Variants in RABL6 observed in about 807,000 individuals in gnomAD.
RABL6 encodes the protein rab-like protein 6.
RABL6 carries 28 observed loss-of-function variants against 72.9 expected under a neutral mutation model. The ratio of observed to expected loss-of-function variants is 0.38; its 90% CI spans 0.28 to 0.53. The LOEUF (loss-of-function observed/expected upper bound fraction) is 0.53, where lower values mean the gene tolerates loss of function less well. RABL6 is among the 20% of genes least tolerant of loss of function. The pLI is 0.80. For missense variants in RABL6, 1,029 were observed against 1,008.4 expected, an observed-to-expected ratio of 1.02 and a Z score of -0.28; for synonymous variants, 477 against 421.2, an observed-to-expected ratio of 1.13 and a Z score of -1.62.
chr9:136,837,934 A>C lies in RABL6; in HGVS notation c.1199A>C (p.Asp400Ala). The C allele has an allele frequency of 6.4e-7, 1 of 1,558,986 alleles. No individual in the cohort carries two copies. The highest frequency in any genetic ancestry group is 8.7e-7 in the Non-Finnish European group (1 of 1,152,238). ...VEDFVPDDRL[D>A]RSFLEDTTPA... ...GACTTTGTTCCTGACGACCGCCTGG[A>C]CCGCAGCTTCCTGGAAGACACAACC... Residue 400 changes from aspartate to alanine, a missense_variant, in exon 10 of 15, where the codon GAC becomes GCC. By Grantham distance (126) the Asp-to-Ala change is moderately radical. Transcript: ENST00000311502.
chr9:136,813,675 C>T, intron 1 of RABL6: 1 of 212,506 alleles, frequency 4.7e-6, no homozygotes, highest in Non-Finnish European at 9.4e-6. Context: ...AGTGCAGTGG[C>T]CGTGATCTCA....
chr9:136,828,961 G>T (rs913245552), intron 4 of RABL6, among the ~76,000 whole-genome samples: 1 of 152,234 alleles, frequency 6.6e-6, no homozygotes, highest in African/African-American at 2.4e-5. Context: ...TCTCCGTGCG[G>T]TGCCTCCCAC....
chr9:136,836,983 C>T (rs1326827201), intron 8 of RABL6: 1 of 390,810 alleles, frequency 2.6e-6, no homozygotes, highest in African/African-American at 2.1e-5. Context: ...ACGCCATTCT[C>T]CTGCCTCAGC....
intron 1 of RABL6, among the ~76,000 whole-genome samples, chr9:136,818,280 G>A (rs1215388610): frequency 2.8e-5 from 4 of 145,372 alleles, no homozygotes; most frequent in South Asian, 2.2e-4. Context: ...GGAGAATGGC[G>A]TGAACCCAGG....
chr9:136,833,356 C>G, intron 7 of RABL6: 1 of 365,552 alleles, frequency 2.7e-6, no homozygotes, highest in Non-Finnish European at 5.2e-6. Flanking sequence ...GCTGCCCCGC[C>G]TGGGTCTGGG....
At chr9:136,821,442 C>T (rs1848234684) in intron 1 of RABL6, 2 of 985,302 alleles carry the variant, frequency 2.0e-6, no homozygotes, top group Non-Finnish European at 2.4e-6. Context: ...CCGCTCAGGC[C>T]GTGGACCTCG....
chr9:136,840,940 A>C lies in RABL6; in HGVS notation c.*418A>C. 3 of 1,465,728 alleles carry C rather than the reference A, an allele frequency of 2.0e-6. No individual in the cohort carries two copies. The African/African-American group carries it at 4.3e-5, about 21-fold the overall frequency. 90.8% of individuals were successfully genotyped at this position (1,465,728 alleles called of 1,614,324 possible). On this transcript the variant is annotated 3_prime_UTR_variant, in exon 15 of 15. Coordinates refer to ENST00000311502, the MANE Select transcript of RABL6 (RefSeq NM_024718.5). ...GCTCATCTGGGGCCGCAGCATGCCTATGGTTCCGCTTCCGGCCGGGAGCCC... is the reference window on the plus strand; with the variant it reads ...GCTCATCTGGGGCCGCAGCATGCCTCTGGTTCCGCTTCCGGCCGGGAGCCC...
At chr9:136,823,427 G>C in intron 1 of RABL6, 98 bp from the exon 2 acceptor site, 1 of 1,468,872 alleles carries the variant, frequency 6.8e-7, no homozygotes, top group Non-Finnish European at 9.2e-7. Context: ...GATGAAACAG[G>C]TGGCAGCAGA....
intron 1 of RABL6, among the ~76,000 whole-genome samples, chr9:136,819,322 A>G (rs1350078860): frequency 1.4e-5 from 2 of 143,236 alleles, no homozygotes; most frequent in African/African-American, 5.6e-5. Flanking sequence ...ACTCCGTCTC[A>G]AGAAAAAAAA....
At chr9:136,809,931 T>TG (rs1392169219) in intron 1 of RABL6, 2 of 153,384 alleles carry the variant, frequency 1.3e-5, no homozygotes, top group African/African-American at 2.4e-5. Context: ...AGTGGAAGCC[T>TG]GGGGGCTCGC....
intron 7 of RABL6, chr9:136,833,873 C>T: frequency 6.4e-7 from 1 of 1,550,518 alleles, no homozygotes; most frequent in Non-Finnish European, 8.7e-7. Context: ...GCTGGGGAGG[C>T]CCCTCCTTCC....
chr9:136,836,515 C>T (rs973274271), intron 8 of RABL6: 1 of 152,924 alleles, frequency 6.5e-6, no homozygotes, highest in African/African-American at 2.4e-5. Flanking sequence ...GGCTCAGACA[C>T]AGCAAGAGAC....
chr9:136,810,039 T>C (rs1847974251), intron 1 of RABL6: 1 of 152,250 alleles, frequency 6.6e-6, no homozygotes, highest in Non-Finnish European at 1.5e-5. Flanking sequence ...TGATTTTAAA[T>C]GTGTTATAAT....
At position 136,840,726 on chromosome 9, in the gene RABL6, G is replaced by A; in HGVS notation, c.*204G>A. 6.5e-7 allele frequency: 1 copy of A among 1,548,574 alleles called. No individual in the cohort carries two copies. Among genetic ancestry groups the A allele is most frequent in the Middle Eastern group, 2.2e-4 (1 of 4,620 alleles). On this transcript the variant is annotated 3_prime_UTR_variant, in exon 15 of 15. Transcript: ENST00000311502. ...GGCCCAGTGTGAGCCTGCTCTGCAA[G>A]AAGGGAGGGGACAGCTGGCTTCAGC...
At chr9:136,822,492 G>A (rs999555802) in intron 1 of RABL6, among the ~76,000 whole-genome samples, 2 of 152,152 alleles carry the variant, frequency 1.3e-5, no homozygotes, top group Non-Finnish European at 2.9e-5. Flanking sequence ...TGGCTGCTGC[G>A]TCCGCACAGC....
At position 136,835,865 on chromosome 9, in the gene RABL6, C is replaced by A; in HGVS notation, c.809+20C>A. ...CGGCATGTATGTGGCCGGACCCGCC[C>A]GTGCGGGCGGTGTGGGGGCTGCGGG... On this transcript the variant is annotated intron_variant, in intron 8 of 14. Coordinates refer to ENST00000311502, the MANE Select transcript of RABL6 (RefSeq NM_024718.5). The A allele has an allele frequency of 6.5e-7, 1 of 1,547,826 alleles. No individual in the cohort carries two copies. The highest frequency in any genetic ancestry group is 8.7e-7 in the Non-Finnish European group (1 of 1,146,074).
chr9:136,825,199 C>T (rs1301429544), intron 2 of RABL6, among the ~76,000 whole-genome samples: 2 of 152,244 alleles, frequency 1.3e-5, no homozygotes, highest in Non-Finnish European at 2.9e-5. Context: ...CCGGCCTCCG[C>T]CCTCAGTGAT....
In RABL6 at chr9:136,808,106, G is replaced by C. The variant is rs1847906067; in HGVS notation, c.-91G>C. The C allele has an allele frequency of 3.1e-6, 4 of 1,290,090 alleles. No individual in the cohort carries two copies. The African/African-American group carries it at 4.7e-5, about 15-fold the overall frequency. The allele number at this position is 1,290,090 out of a possible 1,614,324, so 79.9% of individuals were successfully genotyped here. A position where few individuals can be genotyped will look rare whatever the true frequency, so the allele number is the denominator to read the frequency against. ...GCCGGCTCCGGCCTCCGGGGGGGCC[G>C]GGGCCGCCGGGACATGGTGCCAGTC... On this transcript the variant is annotated 5_prime_UTR_variant, in exon 1 of 15. Coordinates refer to ENST00000311502, the MANE Select transcript of RABL6 (RefSeq NM_024718.5).
chr9:136,823,976 C>T (rs1172324096), intron 2 of RABL6, among the ~76,000 whole-genome samples: 3 of 152,296 alleles, frequency 2.0e-5, no homozygotes, highest in South Asian at 2.1e-4. Flanking sequence ...CTTGCCTGCA[C>T]CCTCTTGGTG....
Sources: allele counts gnomAD v4.1 joint callset (sites outside exome capture counted in the v4.1 genomes callset), GRCh38; gene constraint gnomAD v4.1.1; transcripts MANE v1.5; gene names NCBI Gene and HGNC (gene_info 2026-07-23, HGNC 2026-07-21).